The following NAA35 variants were observed in gnomAD, a reference collection of about 807,000 sequenced individuals.
NAA35 encodes the protein MAK10 homolog, amino-acid N-acetyltransferase subunit.
In NAA35, 18 loss-of-function variants were observed where a neutral mutation model predicts 101.7. That is an observed-to-expected ratio of 0.18 (90% CI 0.12 to 0.26). The LOEUF (loss-of-function observed/expected upper bound fraction) is 0.26. Among genes scored for constraint, NAA35 ranks in the 10% least tolerant of loss-of-function variants. NAA35 has a pLI of 1.00. For synonymous variants in NAA35, 267 were observed against 273.1 expected (o/e 0.98, Z 0.22); for missense variants, 601 against 886.8 (o/e 0.68, Z 4.09).
At chr9:85,993,027 A>G (rs1013683399) in intron 11 of NAA35, among the ~76,000 whole-genome samples, 2 of 152,234 alleles carry the variant, frequency 1.3e-5, no homozygotes, top group Admixed American at 6.5e-5. Context: ...AAGTTATGAT[A>G]TATCTACACA....
chr9:85,968,647 T>C (rs1343815572), intron 6 of NAA35, among the ~76,000 whole-genome samples: 1 of 152,108 alleles, frequency 6.6e-6, no homozygotes, highest in African/African-American at 2.4e-5. Flanking sequence ...TTTTTTTTAC[T>C]GTTCCATATT....
Position 85,941,166 on chromosome 9 carries a change from C to T in NAA35, c.-113C>T. ...CGGGCATACGCATGCGTGCACGCTG[C>T]CGGTCGGGCTGGGCTGAGAGGGGAG... On this transcript the variant is annotated 5_prime_UTR_variant, in exon 1 of 23. Transcript: ENST00000361671. 2 of 986,056 alleles carry T rather than the reference C, an allele frequency of 2.0e-6. No homozygotes were observed. Among genetic ancestry groups the T allele is most frequent in the Non-Finnish European group, 2.4e-6 (2 of 830,244 alleles). The allele number at this position is 986,056 out of a possible 1,614,324, so 61.1% of individuals were successfully genotyped here.
chr9:85,977,253 G>A, intron 9 of NAA35, 110 bp from the exon 10 acceptor site: 2 of 772,204 alleles, frequency 2.6e-6, no homozygotes, highest in East Asian at 5.1e-5. Flanking sequence ...GAAGGTGCCT[G>A]TAATGTAGTA....
At chr9:85,975,910 G>A (rs1382951730) in intron 8 of NAA35, among the ~76,000 whole-genome samples, 1 of 152,106 alleles carries the variant, frequency 6.6e-6, no homozygotes, top group Non-Finnish European at 1.5e-5. Flanking sequence ...CCTTCTAGAT[G>A]ACCTTGATGA....
At position 86,019,328 on chromosome 9, in the gene NAA35, A is replaced by G. The variant is rs73476924; in HGVS notation, c.2037+507A>G. 8.3e-3 allele frequency among the ~76,000 whole-genome samples: 1,268 copies of G among 152,260 alleles called. 24 individuals are homozygous for G. Among genetic ancestry groups the G allele is most frequent in the African/African-American group, 0.029 (1,222 of 41,532 alleles). ...ACAAAAAATTAGCCAGGCGTGGTGCATGCCTGTCTGTAATCCCAGCTACTG... is the reference window on the plus strand; with the variant it reads ...ACAAAAAATTAGCCAGGCGTGGTGCGTGCCTGTCTGTAATCCCAGCTACTG... On this transcript the variant is annotated intron_variant, in intron 21 of 22. Transcript: ENST00000361671.
At chr9:85,971,334 T>C (rs1829989621) in intron 6 of NAA35, among the ~76,000 whole-genome samples, 2 of 152,214 alleles carry the variant, frequency 1.3e-5, no homozygotes, top group African/African-American at 4.8e-5. Context: ...TTAGACCCGG[T>C]TGACACACTG....
intron 12 of NAA35, among the ~76,000 whole-genome samples, chr9:85,999,943 AC>A (rs1381086227): frequency 6.6e-6 from 1 of 152,120 alleles, no homozygotes. Flanking sequence ...CTACATATAA[AC>A]CCATATCTTT....
chr9:85,970,529 C>T (rs1349852582), intron 6 of NAA35, among the ~76,000 whole-genome samples: 3 of 152,114 alleles, frequency 2.0e-5, no homozygotes, highest in East Asian at 1.9e-4. Flanking sequence ...CAGATTGACA[C>T]GTGCCGGCTT....
At chr9:85,984,643 A>C (rs1336265634) in intron 11 of NAA35, among the ~76,000 whole-genome samples, 4 of 152,236 alleles carry the variant, frequency 2.6e-5, no homozygotes, top group Admixed American at 2.0e-4. Flanking sequence ...TCAAAGCTAT[A>C]GCAATGAAGA....
chr9:86,015,684 A>G, intron 17 of NAA35: 1 of 889,226 alleles, frequency 1.1e-6, no homozygotes, highest in Non-Finnish European at 1.3e-6. Context: ...AATGTATATT[A>G]ATTTTGATAA....
intron 2 of NAA35, among the ~76,000 whole-genome samples, chr9:85,949,335 C>T (rs867109384): frequency 6.7e-6 from 1 of 148,606 alleles, no homozygotes; most frequent in Non-Finnish European, 1.5e-5. Context: ...ACTCTTGTTG[C>T]CCATGCTGGA....
chr9:85,952,591 G>A (rs1233187701), intron 2 of NAA35, among the ~76,000 whole-genome samples: 2 of 152,036 alleles, frequency 1.3e-5, no homozygotes, highest in Non-Finnish European at 2.9e-5. Flanking sequence ...GGCTGTGCAA[G>A]TGTTTTTTTT....
At chr9:85,942,342 GCTTTCTAAA>G in intron 2 of NAA35, 59 bp downstream of exon 2, 1 of 1,586,108 alleles carries the variant, frequency 6.3e-7, no homozygotes, top group Non-Finnish European at 8.6e-7. Flanking sequence ...TGACGATTGT[GCTTTCTAAA>G]CTTACCTCAT....
chr9:85,947,289 G>GA (rs1285601197), intron 2 of NAA35, among the ~76,000 whole-genome samples: 4 of 151,976 alleles, frequency 2.6e-5, no homozygotes, highest in Non-Finnish European at 5.9e-5. Flanking sequence ...AAAAATTATG[G>GA]AAAAAATACA....
intron 11 of NAA35, among the ~76,000 whole-genome samples, chr9:85,991,922 C>T (rs796546592): frequency 1.3e-5 from 2 of 152,222 alleles, no homozygotes; most frequent in African/African-American, 4.8e-5. Context: ...CACCTGTAAT[C>T]CCAGCACTTT....
intron 11 of NAA35, among the ~76,000 whole-genome samples, chr9:85,982,183 C>T (rs1830464762): frequency 6.6e-6 from 1 of 152,084 alleles, no homozygotes; most frequent in Admixed American, 6.6e-5. Flanking sequence ...ACATGGAGCA[C>T]TGTACTAGTA....
chr9:85,949,370 C>T (rs541280914), intron 2 of NAA35, among the ~76,000 whole-genome samples: 2 of 151,554 alleles, frequency 1.3e-5, no homozygotes, highest in African/African-American at 2.4e-5. Flanking sequence ...TCTCGGCTCA[C>T]CGCAACCTCC....
At chr9:85,964,458 A>G (rs767431258) in intron 6 of NAA35, among the ~76,000 whole-genome samples, 1 of 152,168 alleles carries the variant, frequency 6.6e-6, no homozygotes, top group Non-Finnish European at 1.5e-5. Flanking sequence ...TGTAATAACA[A>G]TGCACTATTC....
intron 11 of NAA35, chr9:85,986,811 G>A (rs1456740936): frequency 1.6e-5 from 4 of 244,200 alleles, no homozygotes; most frequent in African/African-American, 2.4e-5. Context: ...GGCTGGTCTC[G>A]AACTCCTGAC....
Sources: allele counts gnomAD v4.1 joint callset (sites outside exome capture counted in the v4.1 genomes callset), GRCh38; gene constraint gnomAD v4.1.1; transcripts MANE v1.5; gene names NCBI Gene and HGNC (gene_info 2026-07-23, HGNC 2026-07-21).